The following RYR2 variants were observed in gnomAD, a reference collection of about 807,000 sequenced individuals.
RYR2 encodes ryanodine receptor 2.
In RYR2, 227 loss-of-function variants were observed where a neutral mutation model predicts 601.1. The observed-to-expected ratio is 0.38, with a 90% confidence interval of 0.34 to 0.42. The LOEUF is 0.42. Among genes scored for constraint, RYR2 ranks in the 10% least tolerant of loss-of-function variants. The probability of loss-of-function intolerance (pLI) is 1.00; values close to 1 mark genes in which losing one functional copy is unlikely to be tolerated. For synonymous variants in RYR2, 2,223 were observed against 2,175.1 expected (o/e 1.02, Z -0.61); for missense variants, 4,646 against 6,156.5 (o/e 0.75, Z 8.21).
chr1:237,245,219 GAA>G (rs1271789315), intron 1 of RYR2, among the ~76,000 whole-genome samples: 2 of 137,984 alleles, frequency 1.4e-5, no homozygotes, highest in African/African-American at 2.7e-5. Flanking sequence ...TCTGTCTTTG[GAA>G]AAAAAAAAAA....
chr1:237,282,777 G>T (rs931289868), intron 2 of RYR2, among the ~76,000 whole-genome samples: 3 of 152,160 alleles, frequency 2.0e-5, no homozygotes, highest in Non-Finnish European at 2.9e-5. Context: ...TACGAATATA[G>T]CTCAATAGAG....
At chr1:237,733,657 G>A (rs771227348) in intron 78 of RYR2, 48 bp from the exon 79 acceptor site, 1 of 1,283,750 alleles carries the variant, frequency 7.8e-7, no homozygotes, top group South Asian at 1.2e-5. Context: ...GTGTGCATGT[G>A]CCTAGCCTTC....
At position 237,641,832 on chromosome 1, in the gene RYR2, G is replaced by A. The variant is rs142100428; in HGVS notation, c.7221+830G>A. ...GCTGGGCTTACAGGCGTGAGCCAGC[G>A]TACCCAGCCTAGATTAGTATTTTCT... On this transcript the variant is annotated intron_variant, in intron 47 of 104. Transcript: ENST00000366574. 9.9e-4 allele frequency among the ~76,000 whole-genome samples: 150 copies of A among 152,282 alleles called. 1 individual carries two copies. Among genetic ancestry groups the A allele is most frequent in the African/African-American group, 3.3e-3 (137 of 41,558 alleles).
intron 5 of RYR2, among the ~76,000 whole-genome samples, chr1:237,368,044 G>A (rs1160021231): frequency 6.6e-6 from 1 of 152,140 alleles, no homozygotes. Flanking sequence ...GCTGCAGGAG[G>A]ATGGGGAGAG....
At chr1:237,577,699 TA>T (rs34440548) in intron 29 of RYR2, among the ~76,000 whole-genome samples, 45,337 of 151,818 alleles carry the variant, frequency 0.3, 7,233 homozygotes, top group East Asian at 0.61. Context: ...GGTAGATACT[TA>T]AGAGTATTTT....
chr1:237,451,215 A>G (rs1446250732), intron 14 of RYR2, among the ~76,000 whole-genome samples: 1 of 152,096 alleles, frequency 6.6e-6, no homozygotes, highest in Non-Finnish European at 1.5e-5. Context: ...AGTAAACTAT[A>G]TTGTATTCTA....
intron 39 of RYR2, 140 bp downstream of exon 39, chr1:237,624,010 T>C: frequency 1.6e-6 from 1 of 641,082 alleles, no homozygotes; most frequent in East Asian, 2.8e-5. Flanking sequence ...ACATTTATTA[T>C]TATGGCAAAA....
intron 33 of RYR2, among the ~76,000 whole-genome samples, chr1:237,594,885 G>GGTTATTTTTGTTTTT (rs1675634412): frequency 6.3e-5 from 5 of 79,048 alleles, no homozygotes; most frequent in African/African-American, 3.6e-4. Context: ...AATATCACTG[G>GGTTATTTTTGTTTTT]GTTTTTTTTT....
intron 1 of RYR2, among the ~76,000 whole-genome samples, chr1:237,120,225 G>A (rs188054282): frequency 1.3e-5 from 2 of 152,150 alleles, no homozygotes; most frequent in African/African-American, 2.4e-5. Context: ...TTTATGTCAC[G>A]TGGCCTGACA....
chr1:237,792,349 C>CTGTGTGTGTG (rs34337859), intron 94 of RYR2, 26 bp downstream of exon 94: 8 of 705,876 alleles, frequency 1.1e-5, no homozygotes, highest in Non-Finnish European at 1.8e-5. Context: ...ACCAAGGTAC[C>CTGTGTGTGTG]TGTGTGTGTG....
intron 46 of RYR2, among the ~76,000 whole-genome samples, chr1:237,639,655 G>A (rs551710685): frequency 9.2e-5 from 14 of 152,278 alleles, no homozygotes; most frequent in Admixed American, 5.2e-4. Context: ...TGAGGAGTGT[G>A]ATGCTTTGTT....
At chr1:237,336,661 G>A (rs1020887094) in intron 3 of RYR2, among the ~76,000 whole-genome samples, 1 of 151,574 alleles carries the variant, frequency 6.6e-6, no homozygotes, top group Non-Finnish European at 1.5e-5. Flanking sequence ...TTTGAGACCA[G>A]CCTGGCCAAT....
At position 237,784,507 on chromosome 1, in the gene RYR2, G is replaced by A. The variant is rs1695389411; in HGVS notation, c.12795G>A (p.Lys4265=). The A allele has an allele frequency of 1.2e-6, 2 of 1,613,708 alleles. No homozygotes were observed. Among genetic ancestry groups the A allele is most frequent in the Non-Finnish European group, 1.7e-6 (2 of 1,179,776 alleles). Residue 4265 remains lysine, a synonymous_variant, in exon 90 of 105, where the codon AAG becomes AAA. Transcript: ENST00000366574. The surrounding 1 kb of genome is among the most constrained non-coding windows in gnomAD (Gnocchi z 7.1). Reference sequence around the variant, plus strand: ...GAATGCTCAGTCTGAAGAGCCTGAAGAAGCAGATGAAAAAAGTAAAAAAGA... The same window carrying A: ...GAATGCTCAGTCTGAAGAGCCTGAAAAAGCAGATGAAAAAAGTAAAAAAGA... ...LMRMLSLKSL[K]KQMKKVKKMT...
chr1:237,127,374 C>T (rs1224378699), intron 1 of RYR2, among the ~76,000 whole-genome samples: 2 of 151,126 alleles, frequency 1.3e-5, no homozygotes, highest in East Asian at 2.0e-4. Context: ...GGCAGAGGCG[C>T]CCCTCACCTC....
At chr1:237,454,726 G>T (rs796972372) in intron 15 of RYR2, among the ~76,000 whole-genome samples, 152 bp downstream of exon 15, 17 of 152,244 alleles carry the variant, frequency 1.1e-4, no homozygotes, top group African/African-American at 3.9e-4. Flanking sequence ...AGGCCTTAGA[G>T]AAATCTCGAC....
At chr1:237,063,433 TTACAC>T (rs66710349) in intron 1 of RYR2, among the ~76,000 whole-genome samples, 27,962 of 152,050 alleles carry the variant, frequency 0.18, 2,597 homozygotes, top group Non-Finnish European at 0.19. Flanking sequence ...CCTTCAGTGT[TTACAC>T]TAGAGATTAT....
At chr1:237,647,834 C>T (rs117887913) in intron 48 of RYR2, among the ~76,000 whole-genome samples, 81 of 152,280 alleles carry the variant, frequency 5.3e-4, no homozygotes, top group East Asian at 2.9e-3. Context: ...AGGGAACCTA[C>T]GGAGTGACTA....
In RYR2 at chr1:237,472,133, T is replaced by C. The variant is rs561683131; in HGVS notation, c.1708+2946T>C. On this transcript the variant is annotated intron_variant, in intron 17 of 104. Coordinates refer to ENST00000366574, the MANE Select transcript of RYR2 (RefSeq NM_001035.3). ...GTTTTTTCTCCAGAGGAAGTGGTGTTGCTTAGTTTTTAGAGGCAGTAACAA... is the reference window on the plus strand; with the variant it reads ...GTTTTTTCTCCAGAGGAAGTGGTGTCGCTTAGTTTTTAGAGGCAGTAACAA... Among the ~76,000 whole-genome samples the C allele has an allele frequency of 3.9e-5, 6 of 152,362 alleles. No individual in the cohort carries two copies. The South Asian group carries it at 1.2e-3, about 32-fold the overall frequency.
At chr1:237,242,695 G>C (rs1277885469) in intron 1 of RYR2, among the ~76,000 whole-genome samples, 1 of 152,118 alleles carries the variant, frequency 6.6e-6, no homozygotes, top group Non-Finnish European at 1.5e-5. Flanking sequence ...CTTCAGCACA[G>C]GTCCCTCTGA....
Sources: gnomAD v4.1 joint callset for allele counts (sites outside exome capture counted in the v4.1 genomes callset) on GRCh38, gnomAD v4.1.1 for gene constraint, Gnocchi (gnomAD v3.1) non-coding constraint, MANE v1.5 for transcripts, NCBI Gene and HGNC (gene_info 2026-07-23, HGNC 2026-07-21) for gene names.